The following SYNE1 variants were observed in gnomAD, a reference collection of about 807,000 sequenced individuals.
The protein encoded by SYNE1 is nesprin-1.
SYNE1 carries 616 observed loss-of-function variants against 1,111.0 expected under a neutral mutation model. The ratio of observed to expected loss-of-function variants is 0.55; its 90% confidence interval spans 0.52 to 0.59. The LOEUF (loss-of-function observed/expected upper bound fraction) is 0.59. SYNE1 is among the 20% of genes least tolerant of loss of function. The pLI is 0.00. For synonymous variants in SYNE1, 3,855 were observed against 3,825.8 expected (o/e 1.01, Z -0.28); for missense variants, 10,006 against 10,417.0 (o/e 0.96, Z 1.72).
intron 3 of SYNE1, among the ~76,000 whole-genome samples, chr6:152,578,521 G>A (rs2099509020): frequency 1.3e-5 from 2 of 152,220 alleles, no homozygotes; most frequent in Non-Finnish European, 2.9e-5. Flanking sequence ...TTGAACATGG[G>A]AGGCAGAGGT....
chr6:152,244,035 T>A (rs989622281), intron 106 of SYNE1, among the ~76,000 whole-genome samples: 8 of 152,224 alleles, frequency 5.3e-5, no homozygotes, highest in African/African-American at 1.9e-4. Flanking sequence ...TTTTTGTTGT[T>A]GTTGTTCTAG....
intron 145 of SYNE1, among the ~76,000 whole-genome samples, chr6:152,124,488 AGGT>A (rs1331128163): frequency 1.3e-5 from 2 of 152,182 alleles, no homozygotes; most frequent in Non-Finnish European, 2.9e-5. Context: ...CTTCATCTCT[AGGT>A]GTCAACCTCT....
At chr6:152,406,822 C>G (rs192835404) in intron 45 of SYNE1, among the ~76,000 whole-genome samples, 192 bp downstream of exon 45, 211 of 151,976 alleles carry the variant, frequency 1.4e-3, no homozygotes, top group African/African-American at 4.9e-3. Flanking sequence ...GAGCCGAGAT[C>G]TGGAGCACCA....
At chr6:152,543,696 T>C (rs2099287120) in intron 3 of SYNE1, among the ~76,000 whole-genome samples, 1 of 152,204 alleles carries the variant, frequency 6.6e-6, no homozygotes, top group Admixed American at 6.5e-5. Context: ...GCCATAAGAT[T>C]ATAAACACAA....
At position 152,464,085 on chromosome 6, in the gene SYNE1, C is replaced by T. The variant is rs866181496; in HGVS notation, c.1933-568G>A. Among the ~76,000 whole-genome samples, 84 of 152,196 alleles carry T rather than the reference C, an allele frequency of 5.5e-4. 1 individual carries two copies. The highest frequency in any genetic ancestry group is 1.8e-3 in the African/African-American group (74 of 41,534). On this transcript the variant is annotated intron_variant, in intron 18 of 145. Coordinates refer to ENST00000367255, the MANE Select transcript of SYNE1 (RefSeq NM_182961.4). ...CAGTGTAGTACATTAAGATAATTAG[C>T]AATCATGGAGATAAACCATCGAAGC...
rs1310112724 is a variant in SYNE1, at chr6:152,278,081, A to C, written c.18573+8T>G. On this transcript the variant is annotated splice_region_variant and intron_variant, in intron 98 of 145. Coordinates refer to ENST00000367255, the MANE Select transcript of SYNE1 (RefSeq NM_182961.4). ...TTTCAGCTGTGGGCCAGCGGCTGGA[A>C]CCCTCACCTGCATGTTGAGCTGCTT... 3 of 1,613,614 alleles carry C rather than the reference A, an allele frequency of 1.9e-6. No homozygotes were observed. The highest frequency in any genetic ancestry group is 2.7e-5 in the African/African-American group (2 of 74,932).
Position 152,224,350 on chromosome 6 carries a change from G to A in SYNE1, c.21522+144C>T, listed in dbSNP as rs1365982046. The A allele has an allele frequency of 7.1e-6, 6 of 849,054 alleles. No homozygotes were observed. The Admixed American group carries it at 1.0e-4, about 15-fold the overall frequency. The allele number at this position is 849,054 out of a possible 1,614,324, so 52.6% of individuals were successfully genotyped here. On this transcript the variant is annotated intron_variant, in intron 117 of 145. Transcript: ENST00000367255. ...AGTTTGCTCAAGTAACAATAACACA[G>A]GTAAAATTAATTTTAAAGATCTTAA...
intron 3 of SYNE1, among the ~76,000 whole-genome samples, chr6:152,599,813 C>A (rs552828489): frequency 4.2e-4 from 64 of 152,236 alleles, no homozygotes; most frequent in Non-Finnish European, 1.5e-4. Context: ...AAATCATATA[C>A]GTATCCTATA....
intron 36 of SYNE1, among the ~76,000 whole-genome samples, chr6:152,429,061 G>A (rs947285023): frequency 6.7e-6 from 1 of 148,926 alleles, no homozygotes; most frequent in Admixed American, 6.8e-5. Context: ...AATTATGGCT[G>A]AAGAAGCTAC....
chr6:152,419,603 A>T lies in SYNE1; in HGVS notation c.5387T>A (p.Ile1796Lys). 6.2e-7 allele frequency: 1 copy of T among 1,613,892 alleles called. No homozygotes were observed. The highest frequency in any genetic ancestry group is 8.5e-7 in the Non-Finnish European group (1 of 1,179,932). ...SELQTTSEISIMDHQVALTRH... is the reference protein window; with the variant it reads ...SELQTTSEISKMDHQVALTRH... ...AGTAAGGGCTACTTGATGGTCCATT[A>T]TGCTAATCTCAGAGGTAGTTTGTAA... The change falls in exon 40 of 146, where the codon ATA (isoleucine) becomes AAA (lysine). Residue 1796 changes from isoleucine (I) to lysine (K), a missense_variant. By Grantham distance (102) the Ile-to-Lys change is moderately radical. Transcript: ENST00000367255.
At chr6:152,412,234 A>G (rs956121299) in intron 42 of SYNE1, among the ~76,000 whole-genome samples, 5 of 151,998 alleles carry the variant, frequency 3.3e-5, no homozygotes, top group Non-Finnish European at 7.4e-5. Flanking sequence ...ATCCTGGCTA[A>G]CACGGTGAAA....
At chr6:152,130,356 G>A (rs964491482) in intron 145 of SYNE1, among the ~76,000 whole-genome samples, 1 of 152,144 alleles carries the variant, frequency 6.6e-6, no homozygotes, top group African/African-American at 2.4e-5. Context: ...TTCACTGATC[G>A]ATTACCTGTC....
chr6:152,592,252 GAC>G, intron 3 of SYNE1, among the ~76,000 whole-genome samples: 1 of 152,140 alleles, frequency 6.6e-6, no homozygotes, highest in East Asian at 1.9e-4. Context: ...CTACCAAAAA[GAC>G]ACATGCACTC....
intron 3 of SYNE1, among the ~76,000 whole-genome samples, chr6:152,595,030 T>G (rs1307542432): frequency 6.6e-6 from 1 of 152,222 alleles, no homozygotes; most frequent in East Asian, 1.9e-4. Context: ...ATAGCCTGGA[T>G]GCCCAGCCAT....
intron 5 of SYNE1, among the ~76,000 whole-genome samples, chr6:152,525,428 T>G (rs2099159227): frequency 6.6e-6 from 1 of 152,218 alleles, no homozygotes; most frequent in African/African-American, 2.4e-5. Context: ...AAATAATTTA[T>G]GTTTACAAAC....
chr6:152,467,331 G>A (rs924342737), intron 16 of SYNE1, among the ~76,000 whole-genome samples: 2 of 151,914 alleles, frequency 1.3e-5, no homozygotes, highest in Non-Finnish European at 2.9e-5. Context: ...ACCCAGTTGA[G>A]AAAAGAATAA....
chr6:152,211,095 G>T (rs771630579), intron 124 of SYNE1, among the ~76,000 whole-genome samples: 2 of 152,166 alleles, frequency 1.3e-5, no homozygotes, highest in Non-Finnish European at 2.9e-5. Context: ...CTGTAAGTAA[G>T]AGAGATGGGC....
intron 127 of SYNE1, among the ~76,000 whole-genome samples, chr6:152,194,646 C>A (rs1014425022): frequency 1.3e-5 from 2 of 152,114 alleles, no homozygotes; most frequent in South Asian, 2.1e-4. Context: ...CTTAGATTTG[C>A]CCTCTTGAGG....
At chr6:152,521,879 A>C (rs1325409844) in intron 5 of SYNE1, among the ~76,000 whole-genome samples, 2 of 152,024 alleles carry the variant, frequency 1.3e-5, no homozygotes, top group African/African-American at 2.4e-5. Context: ...GCAATCTTTT[A>C]TTGTCAATAT....
Sources: gnomAD v4.1 joint callset for allele counts (sites outside exome capture counted in the v4.1 genomes callset) on GRCh38, gnomAD v4.1.1 for gene constraint, MANE v1.5 for transcripts, NCBI Gene and HGNC (gene_info 2026-07-23, HGNC 2026-07-21) for gene names.